Variants in KLHL20 observed in about 807,000 individuals in gnomAD.
KLHL20 encodes kelch-like protein 20.
In KLHL20, 29 loss-of-function variants were observed where a neutral mutation model predicts 69.5. The ratio of observed to expected loss-of-function variants is 0.42; its 90% confidence interval spans 0.31 to 0.57. The LOEUF (loss-of-function observed/expected upper bound fraction) is 0.57. Among genes scored for constraint, KLHL20 ranks in the 20% least tolerant of loss-of-function variants. The pLI is 0.18. For missense variants in KLHL20, 419 were observed against 776.0 expected (o/e 0.54, Z 5.47); for synonymous variants, 253 against 265.2 (o/e 0.95, Z 0.45).
intron 7 of KLHL20, among the ~76,000 whole-genome samples, chr1:173,765,734 T>C (rs1213753425): frequency 6.6e-6 from 1 of 151,598 alleles, no homozygotes; most frequent in Non-Finnish European, 1.5e-5. Flanking sequence ...TCAAAAAACG[T>C]TGAGGGAAAA....
At chr1:173,744,333 A>G (rs1571884882) in intron 3 of KLHL20, among the ~76,000 whole-genome samples, 1 of 152,080 alleles carries the variant, frequency 6.6e-6, no homozygotes, top group African/African-American at 2.4e-5. Context: ...TTTGCTATTA[A>G]GATTTTTGGT....
At chr1:173,727,432 C>T (rs148727810) in intron 2 of KLHL20, among the ~76,000 whole-genome samples, 1,887 of 152,166 alleles carry the variant, frequency 0.012, 39 homozygotes, top group African/African-American at 0.041. Flanking sequence ...AAGAGCAACT[C>T]CAAGACACAT....
intron 2 of KLHL20, among the ~76,000 whole-genome samples, chr1:173,717,865 T>C (rs1224515745): frequency 6.6e-6 from 1 of 152,220 alleles, no homozygotes; most frequent in East Asian, 1.9e-4. Context: ...ATGAAATCAA[T>C]TGGCATTTTA....
chr1:173,726,792 A>C (rs1423827757), intron 2 of KLHL20, among the ~76,000 whole-genome samples: 1 of 152,194 alleles, frequency 6.6e-6, no homozygotes, highest in Non-Finnish European at 1.5e-5. Flanking sequence ...AACCACAAAG[A>C]TGGGGAAAAA....
At chr1:173,774,040 G>T (rs1410266723) in intron 8 of KLHL20, among the ~76,000 whole-genome samples, 1 of 151,224 alleles carries the variant, frequency 6.6e-6, no homozygotes, top group Non-Finnish European at 1.5e-5. Flanking sequence ...AAGAGAAAGA[G>T]CCTGTGTTAT....
intron 3 of KLHL20, among the ~76,000 whole-genome samples, chr1:173,748,750 T>TA (rs2102494422): frequency 6.7e-6 from 1 of 150,058 alleles, no homozygotes; most frequent in Admixed American, 6.6e-5. Flanking sequence ...AAGTATAATT[T>TA]AAAAAATCAG....
intron 2 of KLHL20, among the ~76,000 whole-genome samples, chr1:173,732,047 A>G (rs1161075545): frequency 6.6e-6 from 1 of 152,112 alleles, no homozygotes; most frequent in Non-Finnish European, 1.5e-5. Flanking sequence ...AATACGAAAA[A>G]TTAGCCAGAC....
At chr1:173,735,636 G>A (rs927351677) in intron 3 of KLHL20, among the ~76,000 whole-genome samples, 1 of 152,092 alleles carries the variant, frequency 6.6e-6, no homozygotes, top group Non-Finnish European at 1.5e-5. Context: ...TTGGAGAACA[G>A]GTGGTGTTTG....
At chr1:173,719,319 A>G (rs921857907) in intron 2 of KLHL20, among the ~76,000 whole-genome samples, 3 of 151,950 alleles carry the variant, frequency 2.0e-5, no homozygotes, top group Non-Finnish European at 4.4e-5. Context: ...GTGTAAGTAT[A>G]GAATAAGTTC....
At chr1:173,778,508 GT>G (rs397943152) in intron 10 of KLHL20, among the ~76,000 whole-genome samples, 12 of 146,756 alleles carry the variant, frequency 8.2e-5, no homozygotes, top group African/African-American at 2.3e-4. Context: ...TTTGTTTTTT[GT>G]TTTTTTTTTG....
chr1:173,768,747 G>A (rs1647890740), intron 8 of KLHL20, among the ~76,000 whole-genome samples: 1 of 152,168 alleles, frequency 6.6e-6, no homozygotes, highest in African/African-American at 2.4e-5. Context: ...TTTATGTTAT[G>A]TGTGTTTTAC....
At chr1:173,751,331 T>C (rs1673302312) in intron 3 of KLHL20, among the ~76,000 whole-genome samples, 1 of 152,178 alleles carries the variant, frequency 6.6e-6, no homozygotes, top group South Asian at 2.1e-4. Flanking sequence ...ATATTCATTC[T>C]TGTTTACAGA....
intron 8 of KLHL20, among the ~76,000 whole-genome samples, chr1:173,771,614 T>C (rs1399471830): frequency 6.6e-6 from 1 of 152,054 alleles, no homozygotes; most frequent in African/African-American, 2.4e-5. Flanking sequence ...ATGTATATTT[T>C]TTAATTAGCC....
At chr1:173,773,749 C>CA (rs1157728931) in intron 8 of KLHL20, among the ~76,000 whole-genome samples, 2 of 151,734 alleles carry the variant, frequency 1.3e-5, no homozygotes, top group African/African-American at 2.4e-5. Context: ...CACGGTCACT[C>CA]ACGCCTGTAA....
chr1:173,740,849 A>C (rs185722465), intron 3 of KLHL20, among the ~76,000 whole-genome samples: 91 of 151,798 alleles, frequency 6.0e-4, no homozygotes, highest in South Asian at 3.8e-3. Flanking sequence ...GAAAATTTGC[A>C]CTCAGTCAAA....
intron 10 of KLHL20, among the ~76,000 whole-genome samples, chr1:173,778,980 C>A (rs112539311): frequency 0.013 from 1,950 of 151,024 alleles, 15 homozygotes; most frequent in Non-Finnish European, 0.019. Context: ...TTTATTGTTT[C>A]TTCTCATTTT....
At chr1:173,717,843 T>A (rs1038890534) in intron 2 of KLHL20, among the ~76,000 whole-genome samples, 4 of 152,228 alleles carry the variant, frequency 2.6e-5, no homozygotes, top group Admixed American at 2.6e-4. Context: ...TAATTTTTGA[T>A]TATAAAGTTT....
intron 3 of KLHL20, among the ~76,000 whole-genome samples, chr1:173,742,738 GTATA>G (rs932144602): frequency 6.6e-6 from 1 of 150,388 alleles, no homozygotes; most frequent in African/African-American, 2.4e-5. Context: ...ATACATGTGT[GTATA>G]TATGTAAATA....
At chr1:173,750,567 C>T (rs977044714) in intron 3 of KLHL20, among the ~76,000 whole-genome samples, 25 of 151,220 alleles carry the variant, frequency 1.7e-4, no homozygotes, top group East Asian at 5.8e-4. Flanking sequence ...CTTACTGCAA[C>T]CTCTGTCTCC....
Sources: allele counts gnomAD v4.1 joint callset (sites outside exome capture counted in the v4.1 genomes callset), GRCh38; gene constraint gnomAD v4.1.1; transcripts MANE v1.5; gene names NCBI Gene and HGNC (gene_info 2026-07-23, HGNC 2026-07-21).